Variants in ZKSCAN4 observed in about 807,000 individuals in gnomAD.
The protein encoded by ZKSCAN4 is zinc finger protein with KRAB and SCAN domains 4.
Under a neutral mutation model 30.8 loss-of-function variants are expected in ZKSCAN4, and 23 were observed. The ratio of observed to expected loss-of-function variants is 0.75; its 90% confidence interval spans 0.54 to 1.06. The LOEUF is 1.06. Among genes scored for constraint, ZKSCAN4 ranks in the 50% least tolerant of loss-of-function variants. The pLI, the probability that ZKSCAN4 is intolerant of heterozygous loss-of-function variation, is 0.00. For synonymous variants in ZKSCAN4, 208 were observed against 252.5 expected, an observed-to-expected ratio of 0.82 and a Z score of 1.67; for missense variants, 556 against 665.4, an observed-to-expected ratio of 0.84 and a Z score of 1.81.
rs1257799829 is a variant in ZKSCAN4, at chr6:28,251,870, C to T, written c.111G>A (p.Ala37=). The T allele has an allele frequency of 7.0e-6, 11 of 1,563,072 alleles. No individual in the cohort carries two copies. The South Asian group carries it at 8.4e-5, about 12-fold the overall frequency. Reference sequence around the variant, plus strand: ...CAGGGCTGCAGGGTGCTCTCACCTCCGCCGTCAAGGCGGAGGCTTCCTCCT... The same window carrying T: ...CAGGGCTGCAGGGTGCTCTCACCTCTGCCGTCAAGGCGGAGGCTTCCTCCT... The part of the protein sequence containing the change: ...VEKEEASALT[A]EVRAPCSPAR... Residue 37 remains alanine (A), a synonymous_variant, in exon 1 of 5, where the codon GCG becomes GCA. Coordinates refer to ENST00000377294, the MANE Select transcript of ZKSCAN4 (RefSeq NM_019110.5). The surrounding 1 kb of genome is among the most constrained non-coding windows in gnomAD (Gnocchi z 4.5).
intron 1 of ZKSCAN4, among the ~76,000 whole-genome samples, chr6:28,250,414 TAAGTGGA>T (rs751134354): frequency 1.3e-5 from 2 of 152,196 alleles, no homozygotes; most frequent in Non-Finnish European, 2.9e-5. Context: ...ACCCAGCTAA[TAAGTGGA>T]AATGCTAGGA....
Position 28,245,151 on chromosome 6 carries a change from T to G in ZKSCAN4, c.1603A>C (p.Arg535=), listed in dbSNP as rs1322469557. The change falls in exon 5 of 5, where the codon AGA becomes CGA. Residue 535 remains arginine (R), a synonymous_variant. Coordinates refer to ENST00000377294, the MANE Select transcript of ZKSCAN4 (RefSeq NM_019110.5). The part of the protein sequence containing the change: ...TRTSYLVQHQ[R]SHVGKKTLSQ ...AGAGTTTTTTTCCCTACATGGCTTC[T>G]CTGATGTTGAACAAGGTATGAAGTT... The G allele has an allele frequency of 5.6e-6, 9 of 1,614,008 alleles. No individual in the cohort carries two copies. The highest frequency in any genetic ancestry group is 7.6e-6 in the Non-Finnish European group (9 of 1,179,954).
chr6:28,258,944 GA>G, the ZKSCAN4 span, among the ~76,000 whole-genome samples: 2 of 152,036 alleles, frequency 1.3e-5, no homozygotes, highest in Non-Finnish European at 2.9e-5. Context: ...TTTTAGGAAG[GA>G]AAAAAGGAGG....
At chr6:28,247,297 C>G (rs1760780663) in intron 3 of ZKSCAN4, among the ~76,000 whole-genome samples, 1 of 152,168 alleles carries the variant, frequency 6.6e-6, no homozygotes, top group Non-Finnish European at 1.5e-5. Context: ...TAAGTACTTT[C>G]ATATAAATAT....
upstream of ZKSCAN4, among the ~76,000 whole-genome samples, chr6:28,252,738 C>A (rs149700310): frequency 7.4e-3 from 1,133 of 152,192 alleles, 7 homozygotes; most frequent in Middle Eastern, 0.017. Flanking sequence ...CCAGACTACT[C>A]CTCCCGACCC....
rs1269743820 is a variant in ZKSCAN4, at chr6:28,245,286, T to G, written c.1468A>C (p.Asn490His). Residue 490 changes from asparagine to histidine, a missense_variant, in exon 5 of 5, where the codon AAT (asparagine) becomes CAT (histidine). By Grantham distance (68) the Asn-to-His change is moderately conservative (BLOSUM62 1). Around this residue, in one of 3 missense-constraint regions of ZKSCAN4, gnomAD observed 433 missense variants for 511.5 expected, o/e 0.85. Transcript: ENST00000377294. ...CGTGTGAAACTTCTCTCACACTCAT[T>G]ACATTTATAAGACACGGGAGCCTCA... ...NTEAPVSYKCNECERSFTRNR... is the reference protein window; with the variant it reads ...NTEAPVSYKCHECERSFTRNR... 2 of 1,613,394 alleles carry G rather than the reference T, an allele frequency of 1.2e-6. No homozygotes were observed. The highest frequency in any genetic ancestry group is 1.7e-4 in the Middle Eastern group (1 of 6,058).
Position 28,245,599 on chromosome 6 carries a change from G to A in ZKSCAN4, c.1155C>T (p.Phe385=), listed in dbSNP as rs1238587915. The change falls in exon 5 of 5, where the codon TTC becomes TTT. Residue 385 remains phenylalanine (F), a synonymous_variant. Coordinates refer to ENST00000377294, the MANE Select transcript of ZKSCAN4 (RefSeq NM_019110.5). The part of the protein sequence containing the change: ...PYECEECGKV[F]SHSSNLIKHQ... ...GTTTGATAAGGTTTGAGCTGTGACTGAAGACCTTACCACATTCTTCACACT... is the reference window on the plus strand; with the variant it reads ...GTTTGATAAGGTTTGAGCTGTGACTAAAGACCTTACCACATTCTTCACACT... 6.2e-7 allele frequency: 1 copy of A among 1,614,184 alleles called. No individual in the cohort carries two copies. The highest frequency in any genetic ancestry group is 1.1e-5 in the South Asian group (1 of 91,082).
the ZKSCAN4 span, among the ~76,000 whole-genome samples, chr6:28,258,884 A>C: frequency 6.6e-6 from 1 of 151,860 alleles, no homozygotes; most frequent in Non-Finnish European, 1.5e-5. Flanking sequence ...GGGGTTGGGA[A>C]GTGATTAATT....
chr6:28,255,786 G>A (rs1761158531), upstream of ZKSCAN4, among the ~76,000 whole-genome samples: 2 of 151,940 alleles, frequency 1.3e-5, no homozygotes, highest in Admixed American at 1.3e-4. Context: ...GGTGGTCCTG[G>A]TTGGGCTTAC....
At position 28,245,815 on chromosome 6, in the gene ZKSCAN4, A is replaced by AT; in HGVS notation, c.938dup (p.Asn313LysfsTer6). On this transcript the variant is annotated frameshift_variant, in exon 5 of 5. Coordinates refer to ENST00000377294, the MANE Select transcript of ZKSCAN4 (RefSeq NM_019110.5). LOFTEE classifies it low-confidence loss of function (END_TRUNC). ...AATAATGTCGCCTACTCCCTATGGC[A>AT]TTTTTCTGCTTTCTTTGTAACCTGC... The AT allele has an allele frequency of 1.2e-6, 2 of 1,614,122 alleles. No individual in the cohort carries two copies. The highest frequency in any genetic ancestry group is 1.7e-6 in the Non-Finnish European group (2 of 1,180,010).
At chr6:28,256,666 T>C (rs975111036), upstream of ZKSCAN4, among the ~76,000 whole-genome samples, 2 of 152,240 alleles carry the variant, frequency 1.3e-5, no homozygotes, top group Non-Finnish European at 2.9e-5. Flanking sequence ...CATTTGCTCA[T>C]CTATAAATAA....
At position 28,249,049 on chromosome 6, in the gene ZKSCAN4, A is replaced by C. The variant is rs949113148; in HGVS notation, c.571+638T>G. Among the ~76,000 whole-genome samples, 4 of 152,136 alleles carry C rather than the reference A, an allele frequency of 2.6e-5. No individual in the cohort carries two copies. Among genetic ancestry groups the C allele is most frequent in the Non-Finnish European group, 4.4e-5 (3 of 68,030 alleles). On this transcript the variant is annotated intron_variant, in intron 2 of 4. Coordinates refer to ENST00000377294, the MANE Select transcript of ZKSCAN4 (RefSeq NM_019110.5). This position sits in a 1 kb window ranked among gnomAD's most constrained non-coding sequence, Gnocchi z 4.1. The stretch of plus-strand genomic sequence containing the variant: ...AACTCTGCTGAGAAATAAAGATTGC[A>C]TGTTGGATGGCATGTCCAAGTGTTG...
chr6:28,253,881 G>T (rs1761103062), upstream of ZKSCAN4, among the ~76,000 whole-genome samples: 1 of 152,092 alleles, frequency 6.6e-6, no homozygotes, highest in South Asian at 2.1e-4. The surrounding 1 kb of genome is among the most constrained non-coding windows in gnomAD (Gnocchi z 4.2). Flanking sequence ...CAAACTCCTG[G>T]CCTCAAGTGA....
Position 28,245,158 on chromosome 6 carries a change from T to G in ZKSCAN4, c.1596A>C (p.Gln532His). The G allele has an allele frequency of 6.2e-7, 1 of 1,614,090 alleles. No homozygotes were observed. The highest frequency in any genetic ancestry group is 8.5e-7 in the Non-Finnish European group (1 of 1,179,976). Residue 532 changes from glutamine to histidine, a missense_variant, in exon 5 of 5, where the codon CAA becomes CAC. Gln to His is a conservative substitution (Grantham distance 24). Around this residue, in one of 3 missense-constraint regions of ZKSCAN4, gnomAD observed 433 missense variants for 511.5 expected, o/e 0.85. Transcript: ENST00000377294. ...TTTTCCCTACATGGCTTCTCTGATGTTGAACAAGGTATGAAGTTCGAGTGA... is the reference window on the plus strand; with the variant it reads ...TTTTCCCTACATGGCTTCTCTGATGGTGAACAAGGTATGAAGTTCGAGTGA... ...KGFTRTSYLV[Q>H]HQRSHVGKKT...
intron 3 of ZKSCAN4, 135 bp from the exon 4 acceptor site, chr6:28,247,227 T>A: frequency 1.1e-6 from 1 of 930,798 alleles, no homozygotes. Context: ...GCTTTATCTC[T>A]AATAACATCT....
chr6:28,245,489 T>A lies in ZKSCAN4; in HGVS notation c.1265A>T (p.His422Leu). 3.7e-6 allele frequency: 6 copies of A among 1,614,216 alleles called. No homozygotes were observed. Among genetic ancestry groups the A allele is most frequent in the Non-Finnish European group, 5.1e-6 (6 of 1,180,040 alleles). ...TFSQSCSLLEHHKIHTGEKPY... is the reference protein window; with the variant it reads ...TFSQSCSLLELHKIHTGEKPY... Reference sequence around the variant, plus strand: ...CTTCTCCCCAGTATGAATTTTGTGATGTTCAAGGAGGCTGCAGCTCTGGCT... The same window carrying A: ...CTTCTCCCCAGTATGAATTTTGTGAAGTTCAAGGAGGCTGCAGCTCTGGCT... Residue 422 changes from histidine (H) to leucine (L), a missense_variant, in exon 5 of 5, where the codon CAT becomes CTT. Coordinates refer to ENST00000377294, the MANE Select transcript of ZKSCAN4 (RefSeq NM_019110.5).
upstream of ZKSCAN4, among the ~76,000 whole-genome samples, chr6:28,253,532 T>C (rs1381092630): frequency 1.3e-5 from 2 of 152,242 alleles, no homozygotes; most frequent in African/African-American, 4.8e-5. The surrounding 1 kb of genome is among the most constrained non-coding windows in gnomAD (Gnocchi z 4.2). Context: ...TGAATCTAAG[T>C]ACTTTTCTAG....
rs1024585981 is a variant in ZKSCAN4, at chr6:28,249,874, A to G, written c.424-40T>C. 12 of 1,606,476 alleles carry G rather than the reference A, an allele frequency of 7.5e-6. No homozygotes were observed. In the East Asian group the frequency reaches 8.9e-5, roughly 12 times the overall value. On this transcript the variant is annotated intron_variant, in intron 1 of 4. Coordinates refer to ENST00000377294, the MANE Select transcript of ZKSCAN4 (RefSeq NM_019110.5). The surrounding 1 kb of genome is among the most constrained non-coding windows in gnomAD (Gnocchi z 4.1). The stretch of plus-strand genomic sequence containing the variant: ...TTTTAGTTATCTACCCAACATTTCT[A>G]TGTTTTCCATGTGCAAGTGATTTCT...
Position 28,251,491 on chromosome 6 carries a change from C to T in ZKSCAN4, c.423+67G>A. 6.2e-7 allele frequency: 1 copy of T among 1,613,236 alleles called. No homozygotes were observed. ...TCCTGGACCTTAAAGGAATGCCCCT[C>T]GCTCCGATCTGGGATTTCAGGAGGA... On this transcript the variant is annotated intron_variant, in intron 1 of 4. Coordinates refer to ENST00000377294, the MANE Select transcript of ZKSCAN4 (RefSeq NM_019110.5). This position sits in a 1 kb window ranked among gnomAD's most constrained non-coding sequence, Gnocchi z 4.5.
Sources: gnomAD v4.1 joint callset for allele counts (sites outside exome capture counted in the v4.1 genomes callset) on GRCh38, gnomAD v4.1.1 for gene constraint, gnomAD v4.1.1 regional missense constraint, Gnocchi (gnomAD v3.1) non-coding constraint, MANE v1.5 for transcripts, NCBI Gene and HGNC (gene_info 2026-07-23, HGNC 2026-07-21) for gene names.